The following PTPRK variants were observed in gnomAD, a reference collection of about 807,000 sequenced individuals.
The protein encoded by PTPRK is receptor-type tyrosine-protein phosphatase kappa.
In PTPRK, 75 loss-of-function variants were observed where a neutral mutation model predicts 178.0. The observed-to-expected ratio is 0.42, with a 90% CI of 0.35 to 0.51. PTPRK has a LOEUF of 0.51. PTPRK is among the 20% of genes least tolerant of loss of function. The probability of loss-of-function intolerance (pLI) is 0.02; values close to 1 mark genes in which losing one functional copy is unlikely to be tolerated. For synonymous variants in PTPRK, 637 were observed against 620.6 expected (o/e 1.03, Z -0.39); for missense variants, 1,441 against 1,797.8 (o/e 0.80, Z 3.59).
At chr6:127,985,688 C>T in intron 22 of PTPRK, 33 bp downstream of exon 22, 1 of 1,556,176 alleles carries the variant, frequency 6.4e-7, no homozygotes, top group Non-Finnish European at 8.8e-7. Context: ...AAGCTGATTG[C>T]ATACAGTCAA....
chr6:128,149,297 T>TATA lies in PTPRK; in HGVS notation c.1162+35132_1162+35134dup, dbSNP rs535337212. Among the ~76,000 whole-genome samples the TATA allele has an allele frequency of 3.1e-3, 468 of 151,188 alleles. 2 individuals are homozygous for TATA. The highest frequency in any genetic ancestry group is 8.7e-3 in the African/African-American group (360 of 41,230). ...TGCACATGTACCCTAGAACTTAAAG[T>TATA]ATAATAATAATAATAATAAAGAAAA... On this transcript the variant is annotated intron_variant, in intron 7 of 29. Transcript: ENST00000368226.
intron 7 of PTPRK, among the ~76,000 whole-genome samples, chr6:128,094,819 A>G (rs1223804257): frequency 6.6e-6 from 1 of 152,168 alleles, no homozygotes; most frequent in African/African-American, 2.4e-5. Context: ...TAAGAGAAAG[A>G]AAAAGAGAGA....
chr6:128,120,223 A>T (rs925104876), intron 7 of PTPRK, among the ~76,000 whole-genome samples: 1 of 151,948 alleles, frequency 6.6e-6, no homozygotes, highest in Non-Finnish European at 1.5e-5. Context: ...TCTTATAGAC[A>T]TGATTAGAAT....
intron 15 of PTPRK, among the ~76,000 whole-genome samples, chr6:128,001,745 A>G (rs1223829875): frequency 3.3e-5 from 5 of 152,000 alleles, no homozygotes; most frequent in African/African-American, 7.2e-5. Context: ...ATGAGTTCAT[A>G]TTGTAAATCC....
At chr6:128,291,726 G>A (rs1282627113) in intron 3 of PTPRK, among the ~76,000 whole-genome samples, 1 of 152,060 alleles carries the variant, frequency 6.6e-6, no homozygotes, top group African/African-American at 2.4e-5. Context: ...CCTGCATCAA[G>A]CTTGCATATG....
intron 7 of PTPRK, among the ~76,000 whole-genome samples, chr6:128,148,027 T>C (rs929912094): frequency 6.6e-6 from 1 of 152,102 alleles, no homozygotes; most frequent in Non-Finnish European, 1.5e-5. Context: ...ACTGCTAAAC[T>C]TGAGCTAAGA....
intron 7 of PTPRK, among the ~76,000 whole-genome samples, chr6:128,099,150 T>C (rs1313740038): frequency 6.6e-6 from 1 of 150,940 alleles, no homozygotes; most frequent in Non-Finnish European, 1.5e-5. Context: ...TCTTTACTCT[T>C]GACTGAATAG....
chr6:128,111,351 T>C (rs563245286), intron 7 of PTPRK, among the ~76,000 whole-genome samples: 11 of 152,316 alleles, frequency 7.2e-5, no homozygotes, highest in Admixed American at 3.3e-4. Context: ...CATCCAGAAC[T>C]GCCAGTAACT....
At chr6:128,470,966 C>T (rs1425932952) in intron 1 of PTPRK, among the ~76,000 whole-genome samples, 1 of 146,402 alleles carries the variant, frequency 6.8e-6, no homozygotes, top group African/African-American at 2.5e-5. Flanking sequence ...ATAAACAAGA[C>T]AAGGAAAGTT....
chr6:128,475,449 G>T lies in PTPRK; in HGVS notation c.100+44810C>A, dbSNP rs552101018. The stretch of plus-strand genomic sequence containing the variant: ...GGGATGTTATCTGTGCAACTAAAGT[G>T]GAAGACAGGAGACTACTGCCACGGT... On this transcript the variant is annotated intron_variant, in intron 1 of 29. Coordinates refer to ENST00000368226, the MANE Select transcript of PTPRK (RefSeq NM_002844.4). Among the ~76,000 whole-genome samples, 4 of 152,128 alleles carry T rather than the reference G, an allele frequency of 2.6e-5. No homozygotes were observed. In the South Asian group the frequency reaches 8.3e-4, roughly 32 times the overall value.
chr6:128,471,619 A>C lies in PTPRK; in HGVS notation c.100+48640T>G, dbSNP rs572357393. On this transcript the variant is annotated intron_variant, in intron 1 of 29. Transcript: ENST00000368226. ...CAAAACAACCTAAAAAAAAAAAAAAAAAAAAAACTCACAACAAAAGCAGGT... is the reference window on the plus strand; with the variant it reads ...CAAAACAACCTAAAAAAAAAAAAAACAAAAAAACTCACAACAAAAGCAGGT... 8.6e-5 allele frequency among the ~76,000 whole-genome samples: 13 copies of C among 150,634 alleles called. No individual in the cohort carries two copies. In the South Asian group the frequency reaches 2.7e-3, roughly 32 times the overall value.
At chr6:128,313,808 C>A (rs1016057586) in intron 3 of PTPRK, among the ~76,000 whole-genome samples, 1 of 152,066 alleles carries the variant, frequency 6.6e-6, no homozygotes, top group African/African-American at 2.4e-5. Context: ...AGACCAGACA[C>A]AATCAGAGCT....
chr6:128,482,365 C>G (rs1401754495), intron 1 of PTPRK, among the ~76,000 whole-genome samples: 1 of 152,112 alleles, frequency 6.6e-6, no homozygotes, highest in Non-Finnish European at 1.5e-5. Context: ...ATTGCTTACG[C>G]TACTCTGAAA....
At position 128,519,557 on chromosome 6, in the gene PTPRK, G is replaced by C. The variant is rs9385463; in HGVS notation, c.100+702C>G. Among the ~76,000 whole-genome samples, 5,494 of 152,252 alleles carry C rather than the reference G, an allele frequency of 0.036. 1,036 individuals are homozygous for C. In the East Asian group the frequency reaches 0.6, roughly 17 times the overall value. On this transcript the variant is annotated intron_variant, in intron 1 of 29. Transcript: ENST00000368226. The surrounding 1 kb of genome is among the most constrained non-coding windows in gnomAD (Gnocchi z 4.3). ...GAGCGGGCTCCCACGCGCGAGTCAG[G>C]CTTCCTCCACCAGGCGCCCAGACCT...
intron 3 of PTPRK, among the ~76,000 whole-genome samples, chr6:128,270,068 T>G (rs1168853925): frequency 6.6e-6 from 1 of 152,134 alleles, no homozygotes; most frequent in Non-Finnish European, 1.5e-5. Context: ...TTCTGGCTTT[T>G]GGGCTAAGAT....
At chr6:128,447,173 A>G (rs895525627) in intron 1 of PTPRK, among the ~76,000 whole-genome samples, 3 of 152,242 alleles carry the variant, frequency 2.0e-5, no homozygotes, top group African/African-American at 7.2e-5. Context: ...GGTTTGAATA[A>G]GCAAGCTGTT....
intron 10 of PTPRK, among the ~76,000 whole-genome samples, chr6:128,079,427 C>T (rs1268728256): frequency 6.6e-6 from 1 of 151,794 alleles, no homozygotes; most frequent in Non-Finnish European, 1.5e-5. Context: ...GAGAAACATA[C>T]CAAGAAGTGT....
intron 7 of PTPRK, among the ~76,000 whole-genome samples, chr6:128,112,892 G>A (rs1459221204): frequency 6.6e-6 from 1 of 152,064 alleles, no homozygotes; most frequent in East Asian, 1.9e-4. Context: ...ACTCATGTCG[G>A]TAACTGAATT....
intron 11 of PTPRK, among the ~76,000 whole-genome samples, chr6:128,070,296 T>C (rs1782589623): frequency 6.6e-6 from 1 of 152,098 alleles, no homozygotes; most frequent in Non-Finnish European, 1.5e-5. Context: ...TACTACAGTG[T>C]TACCAACTGA....
Sources: gnomAD v4.1 joint callset for allele counts (sites outside exome capture counted in the v4.1 genomes callset) on GRCh38, gnomAD v4.1.1 for gene constraint, Gnocchi (gnomAD v3.1) non-coding constraint, MANE v1.5 for transcripts, NCBI Gene and HGNC (gene_info 2026-07-23, HGNC 2026-07-21) for gene names.